Variants in SPOCK1 observed in about 807,000 individuals in gnomAD.
SPOCK1 encodes SPARC (osteonectin), cwcv and kazal like domains proteoglycan 1.
A neutral mutation model predicts 55.3 loss-of-function variants in SPOCK1; 23 were observed. That is an observed-to-expected ratio of 0.42 (90% CI 0.30 to 0.59). The LOEUF (loss-of-function observed/expected upper bound fraction) is 0.59. Among genes scored for constraint, SPOCK1 ranks in the 20% least tolerant of loss-of-function variants. The pLI is 0.22. For missense variants in SPOCK1, 499 were observed against 552.5 expected, an observed-to-expected ratio of 0.90 and a Z score of 0.97; for synonymous variants, 226 against 221.0, an observed-to-expected ratio of 1.02 and a Z score of -0.20.
chr5:137,229,798 T>C (rs1756014197), intron 3 of SPOCK1, among the ~76,000 whole-genome samples: 1 of 152,058 alleles, frequency 6.6e-6, no homozygotes, highest in Non-Finnish European at 1.5e-5. Flanking sequence ...GGCATTAGAT[T>C]CTCATAAGGA....
intron 2 of SPOCK1, among the ~76,000 whole-genome samples, chr5:137,267,492 T>C (rs6596370): frequency 0.59 from 90,275 of 152,006 alleles, 27,562 homozygotes; most frequent in East Asian, 0.75. Flanking sequence ...TGGTGCACAG[T>C]TCCAGTTTTT....
chr5:137,421,896 T>A (rs943820162), intron 2 of SPOCK1, among the ~76,000 whole-genome samples: 2 of 152,254 alleles, frequency 1.3e-5, no homozygotes, highest in African/African-American at 4.8e-5. Flanking sequence ...CCAGCCTCAA[T>A]GGTCTTTACA....
chr5:137,362,890 A>G (rs949229609), intron 2 of SPOCK1, among the ~76,000 whole-genome samples: 2 of 152,050 alleles, frequency 1.3e-5, no homozygotes, highest in Admixed American at 1.3e-4. Context: ...AATTCCCACA[A>G]CCCTCAAGTG....
intron 3 of SPOCK1, among the ~76,000 whole-genome samples, chr5:137,230,204 G>A (rs1756024992): frequency 6.6e-6 from 1 of 152,174 alleles, no homozygotes; most frequent in Non-Finnish European, 1.5e-5. Flanking sequence ...AGTCTCTTGG[G>A]TAGCTAACTT....
At chr5:137,234,331 T>C (rs1756131366) in intron 3 of SPOCK1, among the ~76,000 whole-genome samples, 1 of 152,104 alleles carries the variant, frequency 6.6e-6, no homozygotes, top group Non-Finnish European at 1.5e-5. Flanking sequence ...TGCTGGGTGG[T>C]GGGTCAGGAA....
At chr5:137,140,554 C>T in intron 4 of SPOCK1, 26 bp downstream of exon 4, 1 of 1,596,212 alleles carries the variant, frequency 6.3e-7, no homozygotes, top group Non-Finnish European at 8.5e-7. Context: ...CCTCCCAGCC[C>T]CCAGCCCCCG....
chr5:137,252,335 G>A (rs1756549076), intron 3 of SPOCK1, among the ~76,000 whole-genome samples: 1 of 152,192 alleles, frequency 6.6e-6, no homozygotes, highest in Non-Finnish European at 1.5e-5. Flanking sequence ...AACTCATAGA[G>A]GAGAGCATGG....
At chr5:137,095,638 A>C (rs1442969604) in intron 5 of SPOCK1, among the ~76,000 whole-genome samples, 1 of 152,228 alleles carries the variant, frequency 6.6e-6, no homozygotes, top group Non-Finnish European at 1.5e-5. Flanking sequence ...CACACTGCAC[A>C]CAGGCCCACC....
At chr5:137,270,497 G>C (rs753049583) in intron 2 of SPOCK1, among the ~76,000 whole-genome samples, 1 of 152,222 alleles carries the variant, frequency 6.6e-6, no homozygotes, top group Non-Finnish European at 1.5e-5. Context: ...GGACAGGACA[G>C]AGAACGGTCT....
chr5:137,009,393 T>C (rs1409104244), intron 6 of SPOCK1, among the ~76,000 whole-genome samples: 2 of 152,210 alleles, frequency 1.3e-5, no homozygotes, highest in Non-Finnish European at 1.5e-5. Context: ...TCATATGAGA[T>C]GCAAAGATCT....
intron 6 of SPOCK1, among the ~76,000 whole-genome samples, chr5:137,003,613 C>T (rs767848860): frequency 2.0e-5 from 3 of 152,110 alleles, no homozygotes; most frequent in Non-Finnish European, 2.9e-5. Flanking sequence ...ATGTACAAGT[C>T]TCTATTTCTA....
chr5:137,036,138 G>A (rs546047113), intron 6 of SPOCK1, among the ~76,000 whole-genome samples: 20 of 152,216 alleles, frequency 1.3e-4, no homozygotes, highest in Admixed American at 3.3e-4. Flanking sequence ...TTAAAGGGTA[G>A]TGCATCTGTT....
At chr5:137,041,071 T>C (rs1751988130) in intron 6 of SPOCK1, among the ~76,000 whole-genome samples, 1 of 152,168 alleles carries the variant, frequency 6.6e-6, no homozygotes, top group South Asian at 2.1e-4. Context: ...AGAAACAAAG[T>C]ATGAAGTCTC....
chr5:137,398,583 C>T (rs1341161695), intron 2 of SPOCK1, among the ~76,000 whole-genome samples: 1 of 152,070 alleles, frequency 6.6e-6, no homozygotes, highest in East Asian at 1.9e-4. Flanking sequence ...AAGAGAGAAA[C>T]AAATCTTTGG....
At chr5:137,343,240 C>T (rs1276120005) in intron 2 of SPOCK1, among the ~76,000 whole-genome samples, 1 of 152,240 alleles carries the variant, frequency 6.6e-6, no homozygotes, top group Non-Finnish European at 1.5e-5. Flanking sequence ...GCTAGACCTG[C>T]AGACCTTCAG....
intron 3 of SPOCK1, among the ~76,000 whole-genome samples, chr5:137,146,882 G>A (rs1754206489): frequency 6.6e-6 from 1 of 152,186 alleles, no homozygotes; most frequent in Non-Finnish European, 1.5e-5. Flanking sequence ...GTGGCATAAA[G>A]GTTGGACTCA....
chr5:137,011,410 G>A (rs1260563703), intron 6 of SPOCK1, among the ~76,000 whole-genome samples: 1 of 152,074 alleles, frequency 6.6e-6, no homozygotes, highest in Non-Finnish European at 1.5e-5. Flanking sequence ...ACCCCATAAC[G>A]TGCCTTGAGA....
intron 2 of SPOCK1, among the ~76,000 whole-genome samples, chr5:137,405,613 C>T (rs1179366343): frequency 6.6e-6 from 1 of 152,156 alleles, no homozygotes; most frequent in Non-Finnish European, 1.5e-5. Context: ...TTCCCGAGTC[C>T]ATCTGAGCTC....
At chr5:137,245,781 A>AC (rs1561483021) in intron 3 of SPOCK1, among the ~76,000 whole-genome samples, 5 of 131,462 alleles carry the variant, frequency 3.8e-5, no homozygotes, top group Admixed American at 1.5e-4. Context: ...CAAAACAAAA[A>AC]AAAAACAAAA....
Sources: gnomAD v4.1 joint callset for allele counts (sites outside exome capture counted in the v4.1 genomes callset) on GRCh38, gnomAD v4.1.1 for gene constraint, MANE v1.5 for transcripts, NCBI Gene and HGNC (gene_info 2026-07-23, HGNC 2026-07-21) for gene names.